The following KCNB2 variants were observed in gnomAD, a reference collection of about 807,000 sequenced individuals.
KCNB2 encodes delayed rectifier potassium channel protein.
KCNB2 carries 15 observed loss-of-function variants against 61.5 expected under a neutral mutation model. The ratio of observed to expected loss-of-function variants is 0.24; its 90% CI spans 0.16 to 0.38. KCNB2 has a LOEUF of 0.38. KCNB2 is among the 10% of genes least tolerant of loss of function. The probability of loss-of-function intolerance (pLI) is 1.00; values close to 1 mark genes in which losing one functional copy is unlikely to be tolerated. For synonymous variants in KCNB2, 457 were observed against 446.0 expected (o/e 1.02, Z -0.31); for missense variants, 828 against 1,125.2 (o/e 0.74, Z 3.78).
At chr8:72,546,212 C>T (rs1371690443) in intron 1 of KCNB2, among the ~76,000 whole-genome samples, 2 of 152,154 alleles carry the variant, frequency 1.3e-5, no homozygotes, top group South Asian at 2.1e-4. Context: ...AAGCCATCTC[C>T]GTGATACAAA....
intron 1 of KCNB2, among the ~76,000 whole-genome samples, chr8:72,565,643 A>AATAC (rs886163298): frequency 3.7e-5 from 3 of 80,244 alleles, no homozygotes; most frequent in African/African-American, 1.5e-4. Flanking sequence ...CATGAAGCAG[A>AATAC]ATACACACAC....
At chr8:72,680,580 G>A (rs771984992) in intron 2 of KCNB2, among the ~76,000 whole-genome samples, 6 of 152,184 alleles carry the variant, frequency 3.9e-5, no homozygotes, top group African/African-American at 7.2e-5. Context: ...CATAGTCCAG[G>A]TGGGAGGCAG....
In KCNB2 at chr8:72,938,141, G is replaced by GTTTC. The variant is rs1806971265; in HGVS notation, c.*53_*56dup. 6.9e-7 allele frequency: 1 copy of GTTTC among 1,441,484 alleles called. No individual in the cohort carries two copies. The highest frequency in any genetic ancestry group is 2.2e-5 in the Admixed American group (1 of 46,018). The allele number at this position is 1,441,484 out of a possible 1,614,324, so 89.3% of individuals were successfully genotyped here. A position where few individuals can be genotyped will look rare whatever the true frequency, so the allele number is the denominator to read the frequency against. On this transcript the variant is annotated 3_prime_UTR_variant, in exon 3 of 3. Coordinates refer to ENST00000523207, the MANE Select transcript of KCNB2 (RefSeq NM_004770.3). The stretch of plus-strand genomic sequence containing the variant: ...AACAAAACAAAACAAAACAAAACTT[G>GTTTC]TTTCTTAAAAATGCGGTTAATAATG...
chr8:72,775,645 G>A (rs1585886419), intron 2 of KCNB2, among the ~76,000 whole-genome samples: 1 of 151,816 alleles, frequency 6.6e-6, no homozygotes, highest in African/African-American at 2.4e-5. Flanking sequence ...CAGCAGAGAA[G>A]CACTTTGCCT....
intron 2 of KCNB2, among the ~76,000 whole-genome samples, chr8:72,642,860 T>C (rs1374814613): frequency 1.3e-5 from 2 of 152,166 alleles, no homozygotes; most frequent in Admixed American, 1.3e-4. Context: ...AGCACTTTGT[T>C]GAAATAATAT....
chr8:72,612,324 G>A (rs1277191795), intron 2 of KCNB2, among the ~76,000 whole-genome samples: 1 of 152,128 alleles, frequency 6.6e-6, no homozygotes, highest in African/African-American at 2.4e-5. Context: ...AGTGACCAAA[G>A]ACTTGTTATA....
At chr8:72,572,700 A>G (rs1652466630) in intron 2 of KCNB2, among the ~76,000 whole-genome samples, 1 of 152,174 alleles carries the variant, frequency 6.6e-6, no homozygotes, top group African/African-American at 2.4e-5. Context: ...AAAGATTTCA[A>G]CACTTTTTTT....
chr8:72,804,329 A>G (rs1809182069), intron 2 of KCNB2, among the ~76,000 whole-genome samples: 1 of 152,076 alleles, frequency 6.6e-6, no homozygotes, highest in Non-Finnish European at 1.5e-5. Context: ...CCTTCTCTTT[A>G]CTCACTGCTG....
intron 2 of KCNB2, among the ~76,000 whole-genome samples, chr8:72,627,429 A>G (rs570807623): frequency 1.3e-5 from 2 of 152,360 alleles, no homozygotes; most frequent in South Asian, 4.1e-4. Context: ...AAATGATAGA[A>G]AGTATATGAT....
intron 2 of KCNB2, among the ~76,000 whole-genome samples, chr8:72,710,367 A>C (rs1352429186): frequency 6.6e-6 from 1 of 152,110 alleles, no homozygotes; most frequent in East Asian, 1.9e-4. Context: ...ATAATCCCCA[A>C]ATAGGAAACT....
rs190043720 is a variant in KCNB2, at chr8:72,537,388, C to T, written c.-591C>T. 0.075 allele frequency: 11,457 copies of T among 152,970 alleles called. 941 individuals carry two copies. The highest frequency in any genetic ancestry group is 0.21 in the African/African-American group (8,504 of 41,450). 9.5% of individuals were successfully genotyped at this position (152,970 alleles called of 1,614,324 possible). ...GCCCTCCGCCCTCCGCCCCCGCGGC[C>T]GCCGCCGCCGCTGCGCCTCGGGCAG... On this transcript the variant is annotated 5_prime_UTR_variant, in exon 1 of 3. Transcript: ENST00000523207.
At chr8:72,728,476 C>T (rs1424678845) in intron 2 of KCNB2, among the ~76,000 whole-genome samples, 1 of 152,104 alleles carries the variant, frequency 6.6e-6, no homozygotes, top group Non-Finnish European at 1.5e-5. Flanking sequence ...AAAACAAAGA[C>T]TAGATCAGAC....
At chr8:72,600,410 A>G (rs1352328285) in intron 2 of KCNB2, among the ~76,000 whole-genome samples, 1 of 152,050 alleles carries the variant, frequency 6.6e-6, no homozygotes, top group Non-Finnish European at 1.5e-5. Flanking sequence ...ACATGGACAC[A>G]GGAAGGGGAA....
intron 2 of KCNB2, among the ~76,000 whole-genome samples, chr8:72,733,029 A>G (rs548224622): frequency 1.3e-5 from 2 of 152,294 alleles, no homozygotes; most frequent in East Asian, 3.9e-4. Context: ...TGAAAAGATA[A>G]ATTAACATGT....
chr8:72,865,970 G>A (rs1805509720), intron 2 of KCNB2, among the ~76,000 whole-genome samples: 1 of 152,140 alleles, frequency 6.6e-6, no homozygotes, highest in Non-Finnish European at 1.5e-5. Context: ...AAAGGCAGAG[G>A]CCGTGATGTA....
At chr8:72,715,284 T>C (rs1463287175) in intron 2 of KCNB2, among the ~76,000 whole-genome samples, 1 of 152,166 alleles carries the variant, frequency 6.6e-6, no homozygotes, top group East Asian at 1.9e-4. Flanking sequence ...TATCCAGGAA[T>C]TGAACTCGGC....
At chr8:72,745,520 A>AC in intron 2 of KCNB2, among the ~76,000 whole-genome samples, 1 of 152,288 alleles carries the variant, frequency 6.6e-6, no homozygotes, top group East Asian at 1.9e-4. Flanking sequence ...AAAAAATACA[A>AC]ATTAGAACAT....
intron 2 of KCNB2, among the ~76,000 whole-genome samples, chr8:72,681,627 G>A (rs1402755680): frequency 6.6e-6 from 1 of 152,124 alleles, no homozygotes; most frequent in Non-Finnish European, 1.5e-5. Context: ...AAAAAGTATA[G>A]TATAACAAAT....
chr8:72,843,342 T>G (rs1809927829), intron 2 of KCNB2, among the ~76,000 whole-genome samples: 1 of 152,094 alleles, frequency 6.6e-6, no homozygotes, highest in African/African-American at 2.4e-5. Flanking sequence ...TGCTGAGGCG[T>G]GTTTTACTTC....
Sources: allele counts gnomAD v4.1 joint callset (sites outside exome capture counted in the v4.1 genomes callset), GRCh38; gene constraint gnomAD v4.1.1; transcripts MANE v1.5; gene names NCBI Gene and HGNC (gene_info 2026-07-23, HGNC 2026-07-21).